The following STK3 variants were observed in gnomAD, a reference collection of about 807,000 sequenced individuals.
The protein encoded by STK3 is serine/threonine-protein kinase 3.
STK3 carries 41 observed loss-of-function variants against 58.0 expected under a neutral mutation model. That is an observed-to-expected ratio of 0.71 (90% CI 0.55 to 0.92). The LOEUF is 0.92. STK3 is among the 40% of genes least tolerant of loss of function. The pLI is 0.00. For missense variants in STK3, 479 were observed against 602.7 expected, an observed-to-expected ratio of 0.79 and a Z score of 2.15; for synonymous variants, 170 against 191.0, an observed-to-expected ratio of 0.89 and a Z score of 0.91.
chr8:98,903,220 A>G (rs948228686), intron 1 of STK3, among the ~76,000 whole-genome samples: 1 of 152,232 alleles, frequency 6.6e-6, no homozygotes, highest in Non-Finnish European at 1.5e-5. Flanking sequence ...AAATGAAAAC[A>G]CATAATTGCT....
At chr8:98,725,667 C>T (rs1194801402) in intron 4 of STK3, among the ~76,000 whole-genome samples, 2 of 152,018 alleles carry the variant, frequency 1.3e-5, no homozygotes, top group Non-Finnish European at 2.9e-5. Context: ...TTTTCTAATG[C>T]TGAAGAATAT....
intron 3 of STK3, among the ~76,000 whole-genome samples, chr8:98,407,928 C>T (rs1197731409): frequency 1.3e-5 from 2 of 152,300 alleles, no homozygotes; most frequent in African/African-American, 2.4e-5. Flanking sequence ...GCCCTTGGCA[C>T]GGGTCTAGCG....
intron 8 of STK3, among the ~76,000 whole-genome samples, chr8:98,565,694 C>T (rs976119388): frequency 2.0e-5 from 3 of 152,052 alleles, no homozygotes; most frequent in African/African-American, 2.4e-5. Flanking sequence ...TTGGTAACAA[C>T]AAAATGTTGC....
At chr8:98,524,773 A>C (rs1476406844) in intron 10 of STK3, among the ~76,000 whole-genome samples, 1 of 152,216 alleles carries the variant, frequency 6.6e-6, no homozygotes, top group Non-Finnish European at 1.5e-5. Context: ...TTTGGGAAGT[A>C]ATTTTAGAGA....
intron 9 of STK3, among the ~76,000 whole-genome samples, chr8:98,542,857 T>C (rs2131560999): frequency 6.6e-6 from 1 of 152,296 alleles, no homozygotes; most frequent in South Asian, 2.1e-4. Flanking sequence ...CAGACAGAAT[T>C]AAGCAACACA....
intron 6 of STK3, among the ~76,000 whole-genome samples, chr8:98,637,622 T>A (rs867057871): frequency 6.6e-6 from 1 of 152,180 alleles, no homozygotes; most frequent in Admixed American, 6.6e-5. Flanking sequence ...CACTCCTGCA[T>A]AATATCAGTT....
chr8:98,780,155 T>C (rs1349714433), intron 1 of STK3, among the ~76,000 whole-genome samples: 1 of 151,424 alleles, frequency 6.6e-6, no homozygotes, highest in Non-Finnish European at 1.5e-5. Context: ...CATTATGGTA[T>C]ATTTTACCTA....
In STK3 at chr8:98,428,541, G is replaced by C; in HGVS notation, n.483+5586C>G. On this transcript the variant is annotated intron_variant and non_coding_transcript_variant, in intron 3 of 3. Coordinates refer to the STK3 transcript ENST00000517832. This position sits in a 1 kb window ranked among gnomAD's most constrained non-coding sequence, Gnocchi z 6.7. The stretch of plus-strand genomic sequence containing the variant: ...CCCCGGCTACTCAGTGCTGAGCAGG[G>C]TCTTCAGCATCCTGTCCATCCTGGT... 1.2e-6 allele frequency: 2 copies of C among 1,614,164 alleles called. No homozygotes were observed. The highest frequency in any genetic ancestry group is 1.7e-6 in the Non-Finnish European group (2 of 1,180,034).
intron 3 of STK3, among the ~76,000 whole-genome samples, chr8:98,859,850 C>G (rs1006045932): frequency 6.6e-6 from 1 of 152,164 alleles, no homozygotes; most frequent in Admixed American, 6.5e-5. Flanking sequence ...TGAGAAGTTA[C>G]AACGTGAAAG....
chr8:98,761,878 T>C (rs1830640189), intron 3 of STK3, among the ~76,000 whole-genome samples: 1 of 152,202 alleles, frequency 6.6e-6, no homozygotes, highest in Admixed American at 6.5e-5. Context: ...AAATGGAATC[T>C]TATCTAGAAA....
chr8:98,438,418 A>T (rs12546344), intron 1 of STK3: 12 of 152,242 alleles, frequency 7.9e-5, no homozygotes, highest in Admixed American at 5.2e-4. Flanking sequence ...GCATATTCAG[A>T]GACTGAAGTG....
intron 4 of STK3, among the ~76,000 whole-genome samples, chr8:98,713,675 C>A (rs1347748758): frequency 6.6e-6 from 1 of 152,192 alleles, no homozygotes; most frequent in Non-Finnish European, 1.5e-5. Flanking sequence ...CAAAAGGATT[C>A]ACAGCTGAAT....
At chr8:98,687,467 C>A (rs948827396) in intron 6 of STK3, among the ~76,000 whole-genome samples, 3 of 152,176 alleles carry the variant, frequency 2.0e-5, no homozygotes, top group Non-Finnish European at 4.4e-5. Flanking sequence ...CGCCCACCGC[C>A]CACCTCCAGC....
chr8:98,353,036 C>G, the STK3 span, among the ~76,000 whole-genome samples: 1 of 152,174 alleles, frequency 6.6e-6, no homozygotes, highest in Non-Finnish European at 1.5e-5. Flanking sequence ...ATGGTGATGC[C>G]AAGCAACCAC....
chr8:98,846,334 A>T (rs953769062), intron 3 of STK3, among the ~76,000 whole-genome samples: 1 of 152,228 alleles, frequency 6.6e-6, no homozygotes, highest in Non-Finnish European at 1.5e-5. Context: ...AGGCCAAGGA[A>T]TAGAGCTGAC....
chr8:98,747,186 T>G (rs1215055839), intron 4 of STK3, among the ~76,000 whole-genome samples: 1 of 121,268 alleles, frequency 8.2e-6, no homozygotes, highest in Non-Finnish European at 1.8e-5. Flanking sequence ...CAGAAAGAAA[T>G]AAAGAACAAT....
intron 1 of STK3, among the ~76,000 whole-genome samples, chr8:98,383,074 G>C (rs1817755092): frequency 6.6e-6 from 1 of 152,236 alleles, no homozygotes; most frequent in African/African-American, 2.4e-5. Context: ...GCTCACAGGT[G>C]CCTGTGTTCT....
intron 1 of STK3, among the ~76,000 whole-genome samples, chr8:98,903,537 TC>T (rs1564093474): frequency 5.4e-5 from 2 of 36,878 alleles, no homozygotes; most frequent in Non-Finnish European, 8.9e-5. Flanking sequence ...TTCTTCTTCT[TC>T]TTCTTCTTCT....
chr8:98,654,973 G>A (rs1364444242), intron 6 of STK3, among the ~76,000 whole-genome samples: 1 of 151,718 alleles, frequency 6.6e-6, no homozygotes. Flanking sequence ...TCACAGAATT[G>A]GAAAAAAGTA....
Sources: gnomAD v4.1 joint callset for allele counts (sites outside exome capture counted in the v4.1 genomes callset) on GRCh38, gnomAD v4.1.1 for gene constraint, Gnocchi (gnomAD v3.1) non-coding constraint, MANE v1.5 for transcripts, NCBI Gene and HGNC (gene_info 2026-07-23, HGNC 2026-07-21) for gene names.